The following IGFL3 variants were observed in gnomAD, a reference collection of about 807,000 sequenced individuals.
IGFL3 encodes the protein insulin growth factor-like family member 3.
Under a neutral mutation model 17.0 loss-of-function variants are expected in IGFL3, and 12 were observed. That is an observed-to-expected ratio of 0.71 (90% CI 0.45 to 1.14). The LOEUF (loss-of-function observed/expected upper bound fraction) is 1.14, where lower values mean the gene tolerates loss of function less well. Ranked by LOEUF, IGFL3 falls within the 50% of genes most tolerant of loss-of-function variation. IGFL3 has a pLI of 0.00. For missense variants in IGFL3, 153 were observed against 151.6 expected (o/e 1.01, Z -0.05); for synonymous variants, 52 against 57.4 (o/e 0.91, Z 0.42).
At chr19:46,120,429 C>G in intron 3 of IGFL3, 72 bp from the exon 4 acceptor site, 2 of 1,597,024 alleles carry the variant, frequency 1.3e-6, no homozygotes, top group Non-Finnish European at 1.7e-6. Context: ...CCTACAAAAG[C>G]AATTTTAACA....
chr19:46,121,616 G>A (rs1057160232), intron 3 of IGFL3, among the ~76,000 whole-genome samples: 2 of 150,538 alleles, frequency 1.3e-5, no homozygotes, highest in Non-Finnish European at 2.9e-5. Context: ...ATAAAACAAC[G>A]GTGTCGCACG....
chr19:46,120,466 T>C, intron 3 of IGFL3, 109 bp from the exon 4 acceptor site: 1 of 1,491,894 alleles, frequency 6.7e-7, no homozygotes, highest in Non-Finnish European at 9.1e-7. Context: ...ACTTGACTGC[T>C]ACACCAGATG....
chr19:46,120,279 G>C lies in IGFL3; in HGVS notation c.*51C>G, dbSNP rs377398172. The C allele has an allele frequency of 7.6e-5, 123 of 1,608,774 alleles. 8 individuals are homozygous for C. The African/African-American group carries it at 1.5e-3, about 20-fold the overall frequency. ...CAACTGTAGTCTCCGATGTCCAGCT[G>C]CTTCGTCTCTTCTCCCCTTGTCTGC... On this transcript the variant is annotated 3_prime_UTR_variant, in exon 4 of 4. Transcript: ENST00000341415.
chr19:46,120,735 A>G (rs1971714433), intron 3 of IGFL3, among the ~76,000 whole-genome samples: 1 of 151,094 alleles, frequency 6.6e-6, no homozygotes, highest in South Asian at 2.1e-4. Flanking sequence ...ATAAACTTCT[A>G]TAATTTGGTT....
At chr19:46,124,210 C>A in intron 2 of IGFL3, 54 bp from the exon 3 acceptor site, 1 of 1,609,296 alleles carries the variant, frequency 6.2e-7, no homozygotes. Context: ...ACTCAATTCC[C>A]AGTCTCTTTT....
chr19:46,122,276 A>G (rs1971818485), intron 3 of IGFL3, among the ~76,000 whole-genome samples: 1 of 151,028 alleles, frequency 6.6e-6, no homozygotes, highest in Non-Finnish European at 1.5e-5. Flanking sequence ...AGCCAGGGTA[A>G]GGTTTTAGAA....
chr19:46,122,387 G>A (rs1280976537), intron 3 of IGFL3, among the ~76,000 whole-genome samples: 1 of 151,084 alleles, frequency 6.6e-6, no homozygotes, highest in African/African-American at 2.5e-5. Context: ...AGCCTAGTTA[G>A]CTAGCTGACC....
chr19:46,121,110 G>A (rs1971739063), intron 3 of IGFL3, among the ~76,000 whole-genome samples: 1 of 150,146 alleles, frequency 6.7e-6, no homozygotes, highest in Admixed American at 6.6e-5. Context: ...TATAGTGGTG[G>A]CTCACTCCTA....
intron 1 of IGFL3, 118 bp from the exon 2 acceptor site, chr19:46,124,439 G>A (rs919557733): frequency 3.2e-6 from 4 of 1,253,538 alleles, no homozygotes; most frequent in Non-Finnish European, 4.6e-6. Context: ...ATCACTTGGG[G>A]CTAAGTCTGT....
At chr19:46,122,234 C>T (rs1971814600) in intron 3 of IGFL3, among the ~76,000 whole-genome samples, 1 of 151,012 alleles carries the variant, frequency 6.6e-6, no homozygotes. Flanking sequence ...GTAGATCAGG[C>T]AGGCTATATA....
rs10406448 is a variant in IGFL3 at position 46,124,039 on chromosome 19, G to C, written c.197C>G (p.Thr66Ser). 6,797 of 1,611,396 alleles carry C rather than the reference G, an allele frequency of 4.2e-3. 621 individuals are homozygous for C. The African/African-American group carries it at 0.081, about 19-fold the overall frequency. The change falls in exon 3 of 4, where the codon ACC becomes AGC. Residue 66 changes from threonine to serine, a missense_variant. Physicochemically the swap from Thr to Ser is moderately conservative, Grantham distance 58. Coordinates refer to ENST00000341415, the MANE Select transcript of IGFL3 (RefSeq NM_207393.2). ...YDDAILSLKE[T>S]RRCGSTCTFW... ...GGTGCAGGTGGAGCCACAGCGGCGGGTCTCCTTTAAGGATAAGATGGCATC... is the reference window on the plus strand; with the variant it reads ...GGTGCAGGTGGAGCCACAGCGGCGGCTCTCCTTTAAGGATAAGATGGCATC...
At position 46,124,337 on chromosome 19, in the gene IGFL3, A is replaced by G; in HGVS notation, c.26-16T>C. The stretch of plus-strand genomic sequence containing the variant: ...CAGACAAGAGCTAAGGGAGAAAGGA[A>G]AAAGGTTGAACATGGAGCTGAGAAT... On this transcript the variant is annotated splice_polypyrimidine_tract_variant and intron_variant, in intron 1 of 3. Transcript: ENST00000341415. The G allele has an allele frequency of 6.2e-7, 1 of 1,603,668 alleles. No individual in the cohort carries two copies. The highest frequency in any genetic ancestry group is 8.5e-7 in the Non-Finnish European group (1 of 1,173,112).
In IGFL3 at chr19:46,123,912, T is replaced by C. The variant is rs1475234707; in HGVS notation, c.324A>G (p.Leu108=). The C allele has an allele frequency of 1.9e-6, 3 of 1,610,932 alleles. No individual in the cohort carries two copies. Among genetic ancestry groups the C allele is most frequent in the Non-Finnish European group, 2.5e-6 (3 of 1,179,534 alleles). ...TGGTACAGCTCCGGGAGATGGGAGATAAGTGACACTGAGACTTCATACCCA... is the reference window on the plus strand; with the variant it reads ...TGGTACAGCTCCGGGAGATGGGAGACAAGTGACACTGAGACTTCATACCCA... The part of the protein sequence containing the change: ...RVLGMKSQCH[L]SPISRSCTRN... The change falls in exon 3 of 4, where the codon TTA becomes TTG. Residue 108 remains leucine (L), a synonymous_variant. Transcript: ENST00000341415.
chr19:46,124,301 C>T lies in IGFL3; in HGVS notation c.46G>A (p.Val16Ile), dbSNP rs1600817001. 2.5e-6 allele frequency: 4 copies of T among 1,610,712 alleles called. 1 individual carries two copies. In the East Asian group the frequency reaches 9.0e-5, roughly 36 times the overall value. ...CILALVCWITVFLLQCSKGTT... is the reference protein window; with the variant it reads ...CILALVCWITIFLLQCSKGTT... ...CCTTTTGAACACTGGAGGAGGAAGACTGTTATCCAGCAGACAAGAGCTAAG... is the reference window on the plus strand; with the variant it reads ...CCTTTTGAACACTGGAGGAGGAAGATTGTTATCCAGCAGACAAGAGCTAAG... The change falls in exon 2 of 4, where the codon GTC (valine) becomes ATC (isoleucine). Residue 16 changes from valine (V) to isoleucine (I), a missense_variant. Physicochemically the swap from Val to Ile is conservative, Grantham distance 29. Coordinates refer to ENST00000341415, the MANE Select transcript of IGFL3 (RefSeq NM_207393.2).
chr19:46,120,455 G>C (rs1456140780), intron 3 of IGFL3, 98 bp from the exon 4 acceptor site: 1 of 1,542,510 alleles, frequency 6.5e-7, no homozygotes, highest in East Asian at 2.4e-5. Flanking sequence ...GACTTTAACA[G>C]ACTTGACTGC....
chr19:46,123,927 C>T lies in IGFL3; in HGVS notation c.309G>A (p.Lys103=), dbSNP rs757530726. The change falls in exon 3 of 4, where the codon AAG becomes AAA. Residue 103 remains lysine, a synonymous_variant. Transcript: ENST00000341415. ...FLVKLRVLGM[K]SQCHLSPISR... ...AGATGGGAGATAAGTGACACTGAGA[C>T]TTCATACCCAGAACCCTCAACTTCA... The T allele has an allele frequency of 4.3e-6, 7 of 1,611,406 alleles. No individual in the cohort carries two copies. In the South Asian group the frequency reaches 7.7e-5, roughly 18 times the overall value.
intron 1 of IGFL3, 149 bp from the exon 2 acceptor site, chr19:46,124,470 G>A: frequency 8.9e-7 from 1 of 1,124,282 alleles, no homozygotes. Flanking sequence ...GTTCAGGCAG[G>A]CCCTGAGCAG....
In IGFL3 at chr19:46,124,660, A is replaced by G. The variant is rs777206835; in HGVS notation, c.-11T>C. On this transcript the variant is annotated 5_prime_UTR_variant, in exon 1 of 4. Transcript: ENST00000341415. The stretch of plus-strand genomic sequence containing the variant: ...GCATCGTGGCCTCATGCTTCCAAAG[A>G]TGCTCTAGGAGAATTGAAGAAGAGT... 1.2e-6 allele frequency: 2 copies of G among 1,607,484 alleles called. 1 individual carries two copies. The highest frequency in any genetic ancestry group is 4.5e-5 in the East Asian group (2 of 44,370).
chr19:46,121,488 A>T (rs1223924625), intron 3 of IGFL3, among the ~76,000 whole-genome samples: 1 of 150,410 alleles, frequency 6.6e-6, no homozygotes, highest in Non-Finnish European at 1.5e-5. Context: ...TCTTCCCAAG[A>T]TGCATCTCAA....
Sources: allele counts gnomAD v4.1 joint callset (sites outside exome capture counted in the v4.1 genomes callset), GRCh38; gene constraint gnomAD v4.1.1; transcripts MANE v1.5; gene names NCBI Gene and HGNC (gene_info 2026-07-23, HGNC 2026-07-21).